Variants in PRELID2 observed in about 807,000 individuals in gnomAD.
PRELID2 encodes PRELI domain containing 2, also known as PRELI domain-containing protein 2.
A neutral mutation model predicts 28.4 loss-of-function variants in PRELID2; 25 were observed. That is an observed-to-expected ratio of 0.88 (90% CI 0.64 to 1.23). The LOEUF (loss-of-function observed/expected upper bound fraction) is 1.23, where lower values mean the gene tolerates loss of function less well. Among genes scored for constraint, PRELID2 ranks in the 50% most tolerant of loss-of-function variants. The probability of loss-of-function intolerance (pLI) is 0.00; values close to 1 mark genes in which losing one functional copy is unlikely to be tolerated. For missense variants in PRELID2, 201 were observed against 214.4 expected, an observed-to-expected ratio of 0.94 and a Z score of 0.39; for synonymous variants, 76 against 71.6, an observed-to-expected ratio of 1.06 and a Z score of -0.31.
chr5:145,476,337 T>C (rs1236377022), intron 1 of PRELID2, among the ~76,000 whole-genome samples: 1 of 152,226 alleles, frequency 6.6e-6, no homozygotes, highest in Non-Finnish European at 1.5e-5. Flanking sequence ...TAGAAGAAGA[T>C]AAATTTGAAA....
At chr5:145,293,920 G>A in the PRELID2 span, among the ~76,000 whole-genome samples, 5 of 152,150 alleles carry the variant, frequency 3.3e-5, no homozygotes, top group Non-Finnish European at 7.4e-5. Flanking sequence ...ACTACTTGAT[G>A]AGTCAGTATA....
chr5:145,723,574 A>G lies in PRELID2; in HGVS notation n.70+41357T>C, dbSNP rs116303364. Among the ~76,000 whole-genome samples the G allele has an allele frequency of 2.7e-3, 417 of 152,360 alleles. 4 individuals are homozygous for G. Among genetic ancestry groups the G allele is most frequent in the African/African-American group, 9.5e-3 (394 of 41,594 alleles). On this transcript the variant is annotated intron_variant and non_coding_transcript_variant, in intron 1 of 2. Transcript: ENST00000510259. ...CCAAAAATTCATTAAAAAGGCATACAATAGTCCTTAATCATATGAAACTAT... is the reference window on the plus strand; with the variant it reads ...CCAAAAATTCATTAAAAAGGCATACGATAGTCCTTAATCATATGAAACTAT...
At chr5:145,546,402 G>A (rs572913071) in intron 1 of PRELID2, among the ~76,000 whole-genome samples, 110 of 152,266 alleles carry the variant, frequency 7.2e-4, no homozygotes, top group African/African-American at 2.5e-3. Flanking sequence ...AAGATTTGGA[G>A]GAAGGACACT....
At chr5:145,320,940 A>G in the PRELID2 span, among the ~76,000 whole-genome samples, 1 of 152,186 alleles carries the variant, frequency 6.6e-6, no homozygotes, top group Non-Finnish European at 1.5e-5. Context: ...GCGTAGTACT[A>G]AACACTTTTA....
At chr5:145,667,433 C>T (rs1754616291) in intron 1 of PRELID2, among the ~76,000 whole-genome samples, 1 of 152,042 alleles carries the variant, frequency 6.6e-6, no homozygotes, top group Non-Finnish European at 1.5e-5. Context: ...TATATATTTA[C>T]TCATTTAATC....
the PRELID2 span, among the ~76,000 whole-genome samples, chr5:145,442,023 A>G: frequency 1.3e-5 from 2 of 152,148 alleles, no homozygotes; most frequent in African/African-American, 4.8e-5. Flanking sequence ...GACTCAAAAG[A>G]TAGGAGACTC....
chr5:145,601,213 GA>G (rs1371505124), intron 1 of PRELID2, among the ~76,000 whole-genome samples: 1 of 151,966 alleles, frequency 6.6e-6, no homozygotes, highest in Non-Finnish European at 1.5e-5. Context: ...GAAAAATAAT[GA>G]AAATATAATT....
At chr5:145,509,883 C>G (rs1752445860) in intron 1 of PRELID2, among the ~76,000 whole-genome samples, 1 of 152,114 alleles carries the variant, frequency 6.6e-6, no homozygotes, top group South Asian at 2.1e-4. Flanking sequence ...ATATCTAACC[C>G]TTAGAGTGGC....
chr5:145,574,093 T>A (rs1424568770), intron 1 of PRELID2, among the ~76,000 whole-genome samples: 1 of 152,000 alleles, frequency 6.6e-6, no homozygotes, highest in African/African-American at 2.4e-5. Context: ...CCCAATGCAA[T>A]CACAGGATCC....
the PRELID2 span, among the ~76,000 whole-genome samples, chr5:145,406,182 G>A: frequency 6.6e-6 from 1 of 152,026 alleles, no homozygotes. Flanking sequence ...ATTTAGGGGG[G>A]GAAACAGATC....
chr5:145,468,416 C>T (rs549586561), downstream of PRELID2, among the ~76,000 whole-genome samples: 2 of 152,246 alleles, frequency 1.3e-5, no homozygotes, highest in Admixed American at 1.3e-4. Flanking sequence ...ATTTATAATC[C>T]TTTGGGTATA....
At chr5:145,571,333 T>TG (rs1235258139) in intron 1 of PRELID2, among the ~76,000 whole-genome samples, 2 of 152,076 alleles carry the variant, frequency 1.3e-5, no homozygotes, top group African/African-American at 2.4e-5. Context: ...GGACAGGAAG[T>TG]GGGGGGCCAA....
chr5:145,619,267 C>T (rs79144710), intron 1 of PRELID2, among the ~76,000 whole-genome samples: 3,460 of 152,318 alleles, frequency 0.023, 136 homozygotes, highest in African/African-American at 0.078. Flanking sequence ...CTGGAGGCTT[C>T]CTTCTCCCTG....
chr5:145,562,205 C>A (rs9285663), intron 1 of PRELID2, among the ~76,000 whole-genome samples: 26,802 of 152,060 alleles, frequency 0.18, 3,283 homozygotes, highest in African/African-American at 0.35. Flanking sequence ...AAATACTTCA[C>A]GTAAAAGCAA....
chr5:145,373,875 A>T, the PRELID2 span, among the ~76,000 whole-genome samples: 45 of 79,286 alleles, frequency 5.7e-4, no homozygotes, highest in East Asian at 4.2e-3. Flanking sequence ...CAACATATAT[A>T]ATATATATGA....
At chr5:145,791,579 G>T (rs1752397793) in intron 5 of PRELID2, among the ~76,000 whole-genome samples, 1 of 152,082 alleles carries the variant, frequency 6.6e-6, no homozygotes, top group Non-Finnish European at 1.5e-5. Context: ...GAGGTGAATG[G>T]GATAGGAAGT....
At chr5:145,491,621 TC>T (rs969302459) in intron 1 of PRELID2, among the ~76,000 whole-genome samples, 2 of 152,152 alleles carry the variant, frequency 1.3e-5, no homozygotes, top group African/African-American at 4.8e-5. Flanking sequence ...ACTATAGTTA[TC>T]ATATTGTACA....
chr5:145,665,988 A>T (rs867289136), intron 1 of PRELID2, among the ~76,000 whole-genome samples: 2,131 of 130,174 alleles, frequency 0.016, 38 homozygotes, highest in African/African-American at 0.062. Context: ...CTTTTTTTTA[A>T]AAAAAAAAAA....
At chr5:145,288,072 C>T in the PRELID2 span, among the ~76,000 whole-genome samples, 1 of 152,088 alleles carries the variant, frequency 6.6e-6, no homozygotes, top group Non-Finnish European at 1.5e-5. Context: ...GTTAACATGA[C>T]TTGTCTATAT....
Sources: allele counts gnomAD v4.1 joint callset (sites outside exome capture counted in the v4.1 genomes callset), GRCh38; gene constraint gnomAD v4.1.1; transcripts MANE v1.5; gene names NCBI Gene and HGNC (gene_info 2026-07-23, HGNC 2026-07-21).